The following CPM variants were observed in gnomAD, a reference collection of about 807,000 sequenced individuals.
CPM encodes the protein renal carboxypeptidase.
Under a neutral mutation model 46.4 loss-of-function variants are expected in CPM, and 35 were observed. That is an observed-to-expected ratio of 0.75 (90% CI 0.58 to 1.00). CPM has a LOEUF of 1.00. Among genes scored for constraint, CPM ranks in the 50% least tolerant of loss-of-function variants. The pLI, the probability that CPM is intolerant of heterozygous loss-of-function variation, is 0.00. For synonymous variants in CPM, 195 were observed against 195.3 expected, an observed-to-expected ratio of 1.00 and a Z score of 0.01; for missense variants, 422 against 530.4, an observed-to-expected ratio of 0.80 and a Z score of 2.01.
At chr12:68,925,293 A>T (rs1322748181) in intron 2 of CPM, among the ~76,000 whole-genome samples, 1 of 152,038 alleles carries the variant, frequency 6.6e-6, no homozygotes, top group African/African-American at 2.4e-5. Context: ...GTATGTATTA[A>T]TAATAATAAT....
chr12:68,952,522 C>T (rs1413334341), intron 1 of CPM, among the ~76,000 whole-genome samples: 1 of 152,192 alleles, frequency 6.6e-6, no homozygotes, highest in African/African-American at 2.4e-5. Context: ...CAGCAGTGCA[C>T]TAAAAGCATG....
chr12:68,866,983 A>G lies in CPM; in HGVS notation c.853T>C (p.Cys285Arg), dbSNP rs1885480026. 7 of 1,614,070 alleles carry G rather than the reference A, an allele frequency of 4.3e-6. No homozygotes were observed. The highest frequency in any genetic ancestry group is 5.9e-6 in the Non-Finnish European group (7 of 1,180,012). The part of the protein sequence containing the change: ...CFEITLELSC[C>R]KYPREEKLPS... ...AGCTTCTCCTCACGAGGATATTTAC[A>G]GCATGACAGCTCCAACGTAATTTCA... is the stretch of plus-strand genomic sequence containing the variant. The change falls in exon 7 of 9, where the codon TGT becomes CGT. Residue 285 changes from cysteine (C) to arginine (R), a missense_variant. Cys to Arg is a radical substitution (Grantham distance 180). Coordinates refer to ENST00000551568, the MANE Select transcript of CPM (RefSeq NM_198320.5).
downstream of CPM, chr12:68,848,563 A>G (rs1884485468): frequency 6.6e-6 from 1 of 152,226 alleles, no homozygotes. Flanking sequence ...AAAAGTTGAT[A>G]TGGTGTCAGA....
intron 2 of CPM, among the ~76,000 whole-genome samples, chr12:68,926,584 T>C (rs886563430): frequency 3.9e-5 from 6 of 152,106 alleles, no homozygotes; most frequent in African/African-American, 1.4e-4. Context: ...TATTATACTT[T>C]AAGTTTTAGG....
chr12:68,960,953 A>G (rs1447299974), intron 1 of CPM, among the ~76,000 whole-genome samples: 1 of 152,168 alleles, frequency 6.6e-6, no homozygotes, highest in Non-Finnish European at 1.5e-5. Flanking sequence ...TTTTTAGTAT[A>G]CCAGTCAGGC....
At chr12:68,948,676 T>G (rs899142141) in intron 1 of CPM, among the ~76,000 whole-genome samples, 13 of 152,156 alleles carry the variant, frequency 8.5e-5, no homozygotes, top group Middle Eastern at 3.2e-3. Context: ...GGAAATAGTC[T>G]CAATGATTAG....
intron 2 of CPM, among the ~76,000 whole-genome samples, chr12:68,914,479 A>G (rs1308966562): frequency 1.3e-5 from 2 of 152,184 alleles, no homozygotes; most frequent in African/African-American, 4.8e-5. Context: ...TGAGACCAGG[A>G]TACGTTCCCT....
intron 1 of CPM, among the ~76,000 whole-genome samples, chr12:68,962,306 C>T (rs974522738): frequency 1.1e-4 from 16 of 152,058 alleles, no homozygotes; most frequent in Non-Finnish European, 2.2e-4. Context: ...TACATTCACA[C>T]TGTTGTGTCA....
intron 3 of CPM, among the ~76,000 whole-genome samples, chr12:68,872,409 C>T (rs1391297855): frequency 6.6e-6 from 1 of 152,022 alleles, no homozygotes; most frequent in African/African-American, 2.4e-5. Context: ...TGTGCCACCA[C>T]GCCCAGCTAA....
chr12:68,953,157 T>C (rs1238329435), intron 1 of CPM, among the ~76,000 whole-genome samples: 2 of 152,188 alleles, frequency 1.3e-5, no homozygotes, highest in Non-Finnish European at 2.9e-5. Context: ...TCCTACGGAA[T>C]ACTTGGCTCG....
intron 3 of CPM, among the ~76,000 whole-genome samples, chr12:68,882,591 T>C (rs182909724): frequency 3.0e-4 from 46 of 152,314 alleles, no homozygotes; most frequent in African/African-American, 1.1e-3. Flanking sequence ...TTGGGATTGC[T>C]GGGTTGAATC....
In CPM at chr12:68,956,081, G is replaced by T. The variant is rs148224499; in HGVS notation, c.-4+7088C>A. ...TGTTCCTGCTAAGGGGCTCCTGCAG[G>T]CCTACACTGCTTTCCATGCTCGTCA... is the stretch of plus-strand genomic sequence containing the variant. On this transcript the variant is annotated intron_variant, in intron 1 of 8. Coordinates refer to the CPM transcript ENST00000546373. Among the ~76,000 whole-genome samples the T allele has an allele frequency of 3.5e-4, 53 of 152,234 alleles. No individual in the cohort carries two copies. The East Asian group carries it at 9.3e-3, about 27-fold the overall frequency.
chr12:68,861,180 C>T (rs1028813955), intron 7 of CPM, among the ~76,000 whole-genome samples: 3 of 152,158 alleles, frequency 2.0e-5, no homozygotes, highest in Admixed American at 1.3e-4. Flanking sequence ...GCCACCAGGC[C>T]TGGCTTTCTT....
At chr12:68,887,477 TA>T (rs1380214042) in intron 2 of CPM, among the ~76,000 whole-genome samples, 2 of 152,220 alleles carry the variant, frequency 1.3e-5, no homozygotes, top group Non-Finnish European at 2.9e-5. Flanking sequence ...TAATTTATTA[TA>T]ACAATATTTT....
intron 2 of CPM, among the ~76,000 whole-genome samples, chr12:68,912,939 T>C (rs558862320): frequency 7.2e-5 from 11 of 152,298 alleles, no homozygotes; most frequent in Non-Finnish European, 7.4e-5. Flanking sequence ...TTCCCCTCTG[T>C]AGCAATGATC....
chr12:68,859,169 C>A, intron 7 of CPM, 98 bp from the exon 8 acceptor site: 1 of 636,626 alleles, frequency 1.6e-6, no homozygotes, highest in East Asian at 3.5e-5. Context: ...TATTTATTAG[C>A]TAACTCAATG....
chr12:68,861,856 A>G lies in CPM; in HGVS notation c.941-2785T>C, dbSNP rs74797247. ...ATTACACCATTCTTTAACATTGGAGATAATGATGAAATAGAATTCAGGGTA... is the reference window on the plus strand; with the variant it reads ...ATTACACCATTCTTTAACATTGGAGGTAATGATGAAATAGAATTCAGGGTA... On this transcript the variant is annotated intron_variant, in intron 7 of 8. Coordinates refer to ENST00000551568, the MANE Select transcript of CPM (RefSeq NM_198320.5). 5.1e-3 allele frequency among the ~76,000 whole-genome samples: 743 copies of G among 146,390 alleles called. 15 individuals are homozygous for G. The highest frequency in any genetic ancestry group is 0.018 in the African/African-American group (710 of 39,946).
At chr12:68,893,238 C>G (rs1252801105) in intron 2 of CPM, among the ~76,000 whole-genome samples, 3 of 151,888 alleles carry the variant, frequency 2.0e-5, no homozygotes, top group African/African-American at 7.3e-5. Flanking sequence ...CACCCTGTCT[C>G]TGGGACACAC....
chr12:68,897,273 T>G (rs1163249212), intron 2 of CPM, among the ~76,000 whole-genome samples: 1 of 148,570 alleles, frequency 6.7e-6, no homozygotes, highest in Non-Finnish European at 1.5e-5. Context: ...CCCTTTAGGT[T>G]TTTTTTTTTT....
Sources: allele counts gnomAD v4.1 joint callset (sites outside exome capture counted in the v4.1 genomes callset), GRCh38; gene constraint gnomAD v4.1.1; transcripts MANE v1.5; gene names NCBI Gene and HGNC (gene_info 2026-07-23, HGNC 2026-07-21).